SPATA6L: variants seen among roughly 807,000 people sequenced by gnomAD.
The protein encoded by SPATA6L is spermatogenesis associated 6-like protein.
Under a neutral mutation model 49.2 loss-of-function variants are expected in SPATA6L, and 68 were observed. The observed-to-expected ratio is 1.38, with a 90% CI of 1.14 to 1.69. The LOEUF (loss-of-function observed/expected upper bound fraction) is 1.69. Ranked by LOEUF, SPATA6L falls within the 40% of genes most tolerant of loss-of-function variation. The pLI is 0.00. For missense variants in SPATA6L, 668 were observed against 464.3 expected (o/e 1.44, Z -4.03); for synonymous variants, 198 against 165.7 (o/e 1.19, Z -1.50).
chr9:4,597,422 G>A (rs895789603), downstream of SPATA6L, among the ~76,000 whole-genome samples: 23 of 150,620 alleles, frequency 1.5e-4, no homozygotes, highest in Non-Finnish European at 2.2e-4. Flanking sequence ...TCTAAAAGAC[G>A]CAGAATCCCA....
intron 5 of SPATA6L, chr9:4,628,212 C>T (rs749098786): frequency 5.9e-5 from 10 of 170,126 alleles, no homozygotes; most frequent in Non-Finnish European, 1.1e-4. Flanking sequence ...TGACTATAGT[C>T]GATAATAATT....
At chr9:4,664,688 T>C (rs1178842587) in intron 1 of SPATA6L, 1 of 167,090 alleles carries the variant, frequency 6.0e-6, no homozygotes, top group African/African-American at 2.4e-5. Flanking sequence ...TATTTTGGCA[T>C]TTATAAATAG....
At chr9:4,628,932 A>T (rs1830875075) in intron 5 of SPATA6L, 159 bp downstream of exon 5, 1 of 606,900 alleles carries the variant, frequency 1.6e-6, no homozygotes, top group Non-Finnish European at 2.9e-6. Context: ...GGCTGAGCAA[A>T]CAGTTTGAAT....
chr9:4,591,562 C>T (rs762807502), intron 13 of SPATA6L, among the ~76,000 whole-genome samples: 8 of 152,180 alleles, frequency 5.3e-5, no homozygotes, highest in Non-Finnish European at 1.0e-4. Context: ...CTTCTGTCTT[C>T]CCAGCATGCC....
chr9:4,662,447 C>A lies in SPATA6L; in HGVS notation c.40-411G>T. ...CCGCTTCGAGCAGCAGCAGCAGCCC[C>A]GGCAGCCCAGCCCATGGCGGCGGTG... On this transcript the variant is annotated intron_variant, in intron 1 of 11. Transcript: ENST00000682582. The surrounding 1 kb of genome is among the most constrained non-coding windows in gnomAD (Gnocchi z 4.9). 1.3e-6 allele frequency: 2 copies of A among 1,545,496 alleles called. No individual in the cohort carries two copies. The highest frequency in any genetic ancestry group is 1.7e-6 in the Non-Finnish European group (2 of 1,154,440).
chr9:4,600,938 T>C (rs1823079989), intron 11 of SPATA6L, 129 bp from the exon 12 acceptor site: 1 of 152,236 alleles, frequency 6.6e-6, no homozygotes, highest in Non-Finnish European at 1.5e-5. Context: ...TTGGGATCAC[T>C]TAGTCTCTGA....
rs1344642003 is a variant in SPATA6L at position 4,599,451 on chromosome 9, C to T, written c.*1360G>A. Among the ~76,000 whole-genome samples the T allele has an allele frequency of 6.6e-6, 1 of 152,166 alleles. No individual in the cohort carries two copies. The highest frequency in any genetic ancestry group is 2.4e-5 in the African/African-American group (1 of 41,432). On this transcript the variant is annotated 3_prime_UTR_variant, in exon 12 of 12. Coordinates refer to ENST00000682582, the MANE Select transcript of SPATA6L (RefSeq NM_001353486.2). ...CTATGATTACAGTGAGAAAAGAAAA[C>T]TTGGCTCTCACTGAATCTTCTAAAA...
intron 4 of SPATA6L, among the ~76,000 whole-genome samples, chr9:4,631,605 C>G (rs10815040): frequency 0.093 from 13,976 of 149,564 alleles, 1,072 homozygotes; most frequent in African/African-American, 0.19. Flanking sequence ...GCAAAATACA[C>G]AAATACAAAG....
downstream of SPATA6L, among the ~76,000 whole-genome samples, chr9:4,595,399 G>A (rs948144478): frequency 6.6e-6 from 1 of 152,040 alleles, no homozygotes; most frequent in Admixed American, 6.6e-5. Context: ...CTTTGTCAGA[G>A]TCTCCCCACC....
Position 4,662,457 on chromosome 9 carries a change from G to T in SPATA6L, c.40-421C>A. 3 of 1,546,884 alleles carry T rather than the reference G, an allele frequency of 1.9e-6. No homozygotes were observed. The highest frequency in any genetic ancestry group is 2.6e-6 in the Non-Finnish European group (3 of 1,155,416). ...CAGCAGCAGCAGCCCCGGCAGCCCA[G>T]CCCATGGCGGCGGTGGCGGCGGCAG... On this transcript the variant is annotated intron_variant, in intron 1 of 11. Coordinates refer to ENST00000682582, the MANE Select transcript of SPATA6L (RefSeq NM_001353486.2). The surrounding 1 kb of genome is among the most constrained non-coding windows in gnomAD (Gnocchi z 4.9).
intron 2 of SPATA6L, among the ~76,000 whole-genome samples, chr9:4,657,221 A>G (rs1354502569): frequency 1.3e-5 from 2 of 152,198 alleles, no homozygotes; most frequent in East Asian, 3.8e-4. Context: ...AACAAAAATG[A>G]AAGTGTCTCA....
At chr9:4,606,474 A>C (rs1273887912) in intron 9 of SPATA6L, among the ~76,000 whole-genome samples, 3 of 43,990 alleles carry the variant, frequency 6.8e-5, no homozygotes, top group African/African-American at 2.5e-4. Context: ...CTGCGTCCTC[A>C]AGTGGGTGCC....
At chr9:4,622,819 T>C (rs1829632782) in intron 6 of SPATA6L, among the ~76,000 whole-genome samples, 1 of 152,218 alleles carries the variant, frequency 6.6e-6, no homozygotes, top group Non-Finnish European at 1.5e-5. Context: ...AAGTGAAGCT[T>C]TATTTCACAA....
intron 5 of SPATA6L, 172 bp from the exon 6 acceptor site, chr9:4,625,738 T>A: frequency 2.1e-6 from 1 of 467,092 alleles, no homozygotes; most frequent in Non-Finnish European, 3.6e-6. Context: ...TTTTTCCTGT[T>A]CAGTTTAACA....
intron 3 of SPATA6L, among the ~76,000 whole-genome samples, chr9:4,651,812 G>C (rs760100400): frequency 2.6e-5 from 4 of 152,076 alleles, no homozygotes; most frequent in Non-Finnish European, 5.9e-5. Context: ...ACCTGATATA[G>C]AGCACTTATA....
chr9:4,647,256 T>C (rs1002879567), intron 3 of SPATA6L, among the ~76,000 whole-genome samples: 5 of 152,334 alleles, frequency 3.3e-5, no homozygotes, highest in Non-Finnish European at 7.3e-5. Flanking sequence ...TTATCTTGCT[T>C]ACAACATTGT....
chr9:4,630,669 C>T (rs764560633), intron 4 of SPATA6L, among the ~76,000 whole-genome samples: 1 of 152,232 alleles, frequency 6.6e-6, no homozygotes, highest in Non-Finnish European at 1.5e-5. Flanking sequence ...ACCACTTATA[C>T]TCAAGATGCT....
At chr9:4,632,549 T>A (rs1274004138) in intron 4 of SPATA6L, among the ~76,000 whole-genome samples, 1 of 149,690 alleles carries the variant, frequency 6.7e-6, no homozygotes, top group Admixed American at 6.7e-5. Flanking sequence ...TGAGCCGAGA[T>A]CGCTGCACTG....
At chr9:4,622,920 A>C (rs967533025) in intron 6 of SPATA6L, among the ~76,000 whole-genome samples, 6 of 152,174 alleles carry the variant, frequency 3.9e-5, no homozygotes, top group Non-Finnish European at 4.4e-5. Context: ...AGGGATTCCC[A>C]TAAGATGACA....
Sources: gnomAD v4.1 joint callset for allele counts (sites outside exome capture counted in the v4.1 genomes callset) on GRCh38, gnomAD v4.1.1 for gene constraint, Gnocchi (gnomAD v3.1) non-coding constraint, MANE v1.5 for transcripts, NCBI Gene and HGNC (gene_info 2026-07-23, HGNC 2026-07-21) for gene names.